ELAVL4: variants seen among roughly 807,000 people sequenced by gnomAD.
The protein encoded by ELAVL4 is ELAV-like protein 4.
Under a neutral mutation model 35.6 loss-of-function variants are expected in ELAVL4, and 1 was observed. The observed-to-expected ratio is 0.03, with a 90% CI of 0.01 to 0.13. ELAVL4 has a LOEUF of 0.13. Ranked by LOEUF, ELAVL4 falls within the 10% of genes least tolerant of loss-of-function variation. The probability of loss-of-function intolerance (pLI) is 1.00; values close to 1 mark genes in which losing one functional copy is unlikely to be tolerated. For synonymous variants in ELAVL4, 156 were observed against 171.0 expected, an observed-to-expected ratio of 0.91 and a Z score of 0.69; for missense variants, 267 against 464.9, an observed-to-expected ratio of 0.57 and a Z score of 3.91.
rs185757311 is a variant in ELAVL4 at position 50,110,461 on chromosome 1, A to G, written c.9+1263A>G. 2.9e-3 allele frequency among the ~76,000 whole-genome samples: 444 copies of G among 152,312 alleles called. 3 individuals are homozygous for G. The highest frequency in any genetic ancestry group is 0.01 in the African/African-American group (418 of 41,564). On this transcript the variant is annotated intron_variant, in intron 1 of 6. Coordinates refer to ENST00000371824, the MANE Select transcript of ELAVL4 (RefSeq NM_001144774.3). ...TTTCGGATGTGGAAGGGGAAGTGGAAAACCTTTCTGCCGAAGTAGTAAATC... is the reference window on the plus strand; with the variant it reads ...TTTCGGATGTGGAAGGGGAAGTGGAGAACCTTTCTGCCGAAGTAGTAAATC...
chr1:50,163,960 G>T (rs1302864182), intron 2 of ELAVL4, among the ~76,000 whole-genome samples: 3 of 152,158 alleles, frequency 2.0e-5, no homozygotes, highest in Non-Finnish European at 4.4e-5. Context: ...ACTGGCTCTA[G>T]AGTCAGATGG....
chr1:50,153,348 C>T (rs1469456355), intron 2 of ELAVL4, among the ~76,000 whole-genome samples: 2 of 152,182 alleles, frequency 1.3e-5, no homozygotes, highest in Non-Finnish European at 1.5e-5. Context: ...TAGATGTTAT[C>T]TCATTGAAGC....
At chr1:50,090,239 A>C (rs1478247488) in intron 1 of ELAVL4, among the ~76,000 whole-genome samples, 1 of 152,168 alleles carries the variant, frequency 6.6e-6, no homozygotes, top group Non-Finnish European at 1.5e-5. Context: ...GCTATAAATG[A>C]AACTCTCACA....
intron 1 of ELAVL4, among the ~76,000 whole-genome samples, chr1:50,073,169 G>A (rs1664608286): frequency 6.6e-6 from 1 of 152,132 alleles, no homozygotes; most frequent in Non-Finnish European, 1.5e-5. Context: ...ATGGTACCAG[G>A]GAGTGGAGGG....
chr1:50,109,697 C>T, intron 1 of ELAVL4: 1 of 529,164 alleles, frequency 1.9e-6, no homozygotes, highest in Non-Finnish European at 3.4e-6. Context: ...ACTGCGCAGT[C>T]AAAACGGCAA....
intron 1 of ELAVL4, among the ~76,000 whole-genome samples, chr1:50,140,280 GCTGTTAGAATAT>G (rs1378426418): frequency 6.6e-6 from 1 of 152,178 alleles, no homozygotes; most frequent in Non-Finnish European, 1.5e-5. Context: ...TGAAAATTGT[GCTGTTAGAATAT>G]CAAAGGCGTT....
At chr1:50,057,947 G>C (rs906836846) in intron 1 of ELAVL4, among the ~76,000 whole-genome samples, 7 of 152,166 alleles carry the variant, frequency 4.6e-5, no homozygotes, top group African/African-American at 1.7e-4. Context: ...TCAAGGGTGT[G>C]ATTTATTCTT....
intron 2 of ELAVL4, among the ~76,000 whole-genome samples, chr1:50,168,854 AT>A (rs751261870): frequency 3.3e-5 from 5 of 151,894 alleles, no homozygotes; most frequent in Non-Finnish European, 7.4e-5. Context: ...AAAGAACTCC[AT>A]CCTTAATATT....
intron 1 of ELAVL4, among the ~76,000 whole-genome samples, chr1:50,119,082 A>T (rs1010713412): frequency 7.4e-6 from 1 of 134,852 alleles, no homozygotes; most frequent in Non-Finnish European, 1.6e-5. Context: ...GAAAGAAAGA[A>T]AGAAAGAAAG....
At chr1:50,154,754 G>C (rs1224049627) in intron 2 of ELAVL4, among the ~76,000 whole-genome samples, 1 of 63,676 alleles carries the variant, frequency 1.6e-5, no homozygotes, top group Non-Finnish European at 2.8e-5. Flanking sequence ...GTTATATTTT[G>C]TGTGTGTGTG....
intron 1 of ELAVL4, among the ~76,000 whole-genome samples, chr1:50,133,562 AAAAG>A (rs972229560): frequency 1.3e-5 from 2 of 150,112 alleles, no homozygotes; most frequent in African/African-American, 2.5e-5. Context: ...ATCTCTTATA[AAAAG>A]AAAGAAAGAG....
chr1:50,069,380 G>A lies in ELAVL4; in HGVS notation c.18+21198G>A, dbSNP rs145137007. 2.0e-4 allele frequency among the ~76,000 whole-genome samples: 30 copies of A among 152,252 alleles called. No individual in the cohort carries two copies. The East Asian group carries it at 5.8e-3, about 29-fold the overall frequency. On this transcript the variant is annotated intron_variant, in intron 1 of 6. Transcript: ENST00000448907. Reference sequence around the variant, plus strand: ...GCTTATTTTCTTGTTAATTCTGGTTGAGTCTTGTCTCCCTAGATGTAGAAA... The same window carrying A: ...GCTTATTTTCTTGTTAATTCTGGTTAAGTCTTGTCTCCCTAGATGTAGAAA...
chr1:50,160,534 C>T (rs898656032), intron 2 of ELAVL4, among the ~76,000 whole-genome samples: 1 of 152,100 alleles, frequency 6.6e-6, no homozygotes, highest in Non-Finnish European at 1.5e-5. Flanking sequence ...TTACTATCAG[C>T]GAACTCCTCG....
At chr1:50,193,291 T>C (rs1267551921) in intron 3 of ELAVL4, among the ~76,000 whole-genome samples, 1 of 151,408 alleles carries the variant, frequency 6.6e-6, no homozygotes, top group East Asian at 1.9e-4. Context: ...TGATTGCTTT[T>C]ATGTATTCAG....
intron 1 of ELAVL4, among the ~76,000 whole-genome samples, chr1:50,061,579 C>G (rs527850030): frequency 1.3e-5 from 2 of 152,288 alleles, no homozygotes; most frequent in African/African-American, 4.8e-5. Context: ...TAGTGTGGCC[C>G]TCATGGAGGT....
chr1:50,102,410 TCCTC>T (rs372657191), upstream of ELAVL4, among the ~76,000 whole-genome samples: 46 of 152,026 alleles, frequency 3.0e-4, 1 homozygote, highest in South Asian at 8.7e-3. Context: ...TTTCTTCTTC[TCCTC>T]CCTTTCTCCC....
At chr1:50,067,930 A>G (rs926665984) in intron 1 of ELAVL4, among the ~76,000 whole-genome samples, 21 of 152,174 alleles carry the variant, frequency 1.4e-4, no homozygotes, top group East Asian at 3.9e-4. Flanking sequence ...CTCACTCGCT[A>G]TCACAAGAAC....
rs769429049 is a variant in ELAVL4, at chr1:50,201,174, C to T, written c.1097C>T (p.Ser366Phe). Reference protein sequence around the residue: ...VSFKTNKAHKS With the variant: ...VSFKTNKAHKF Reference sequence around the variant, plus strand: ...TTTAAAACCAACAAAGCCCACAAGTCCTGAATTTCCCATTCTTACTTACTA... The same window carrying T: ...TTTAAAACCAACAAAGCCCACAAGTTCTGAATTTCCCATTCTTACTTACTA... The change falls in exon 7 of 7, where the codon TCC (serine) becomes TTC (phenylalanine). Residue 366 changes from serine to phenylalanine, a missense_variant. This residue lies in a region of ELAVL4 where 216 missense variants were observed against 409.5 expected (regional missense o/e 0.53). Coordinates refer to ENST00000371824, the MANE Select transcript of ELAVL4 (RefSeq NM_001144774.3). The surrounding 1 kb of genome is among the most constrained non-coding windows in gnomAD (Gnocchi z 4.3). 1 of 1,568,272 alleles carries T rather than the reference C, an allele frequency of 6.4e-7. No homozygotes were observed. Among genetic ancestry groups the T allele is most frequent in the Non-Finnish European group, 8.6e-7 (1 of 1,159,992 alleles).
chr1:50,203,072 T>C lies in ELAVL4; in HGVS notation c.*1894T>C, dbSNP rs746641712. 1 of 152,236 alleles carries C rather than the reference T, an allele frequency of 6.6e-6. No homozygotes were observed. Among genetic ancestry groups the C allele is most frequent in the Non-Finnish European group, 1.5e-5 (1 of 68,032 alleles). The allele number at this position is 152,236 out of a possible 1,614,324, so 9.4% of individuals were successfully genotyped here. ...AAATACAAGGGTTCATGCTCTTCCC[T>C]GGGTAATAGAAACAGTTACTCGCTA... On this transcript the variant is annotated 3_prime_UTR_variant, in exon 7 of 7. Coordinates refer to ENST00000371824, the MANE Select transcript of ELAVL4 (RefSeq NM_001144774.3).
Sources: gnomAD v4.1 joint callset for allele counts (sites outside exome capture counted in the v4.1 genomes callset) on GRCh38, gnomAD v4.1.1 for gene constraint, gnomAD v4.1.1 regional missense constraint, Gnocchi (gnomAD v3.1) non-coding constraint, MANE v1.5 for transcripts, NCBI Gene and HGNC (gene_info 2026-07-23, HGNC 2026-07-21) for gene names.